Variants in DNAH14 observed in about 807,000 individuals in gnomAD.
DNAH14 encodes axonemal beta dynein heavy chain 14.
DNAH14 carries 478 observed loss-of-function variants against 520.9 expected under a neutral mutation model. The observed-to-expected ratio is 0.92, with a 90% confidence interval of 0.85 to 0.99. The LOEUF (loss-of-function observed/expected upper bound fraction) is 0.99. Ranked by LOEUF, DNAH14 falls within the 50% of genes least tolerant of loss-of-function variation. The pLI, the probability that DNAH14 is intolerant of heterozygous loss-of-function variation, is 0.00. For synonymous variants in DNAH14, 1,581 were observed against 1,757.2 expected, an observed-to-expected ratio of 0.90 and a Z score of 2.51; for missense variants, 4,831 against 5,234.5, an observed-to-expected ratio of 0.92 and a Z score of 2.38.
At chr1:224,959,010 A>T (rs1214517683) in intron 3 of DNAH14, among the ~76,000 whole-genome samples, 1 of 152,106 alleles carries the variant, frequency 6.6e-6, no homozygotes, top group Non-Finnish European at 1.5e-5. Flanking sequence ...GTGTTAAAAC[A>T]AGCTCACTTT....
chr1:225,295,859 A>G (rs1164444034), intron 55 of DNAH14, among the ~76,000 whole-genome samples: 1 of 152,130 alleles, frequency 6.6e-6, no homozygotes, highest in African/African-American at 2.4e-5. Context: ...ATCCCCAACT[A>G]TTATTGTATT....
intron 23 of DNAH14, among the ~76,000 whole-genome samples, chr1:225,101,904 T>G (rs2075503149): frequency 6.7e-6 from 1 of 149,956 alleles, no homozygotes; most frequent in African/African-American, 2.5e-5. Context: ...CTTTTTTTTT[T>G]TTAATACTTT....
At chr1:225,314,603 C>G (rs1319427709) in intron 60 of DNAH14, among the ~76,000 whole-genome samples, 2 of 152,190 alleles carry the variant, frequency 1.3e-5, no homozygotes, top group African/African-American at 4.8e-5. Context: ...TTTAGTGCTT[C>G]CCTCAGGAGC....
chr1:225,259,204 G>A lies in DNAH14; in HGVS notation c.7108G>A (p.Gly2370Ser). ...EGPGAFDIKH[G>S]SILGDTLLYS... ...TCCAGGAGCATTTGACATAAAACAT[G>A]GTTCAATTTTAGGAGACACCCTATT... Residue 2370 changes from glycine to serine, a missense_variant, in exon 46 of 86, where the codon GGT becomes AGT. By Grantham distance (56) the Gly-to-Ser change is moderately conservative. Transcript: ENST00000682510. 6.5e-7 allele frequency: 1 copy of A among 1,541,318 alleles called. No individual in the cohort carries two copies. Among genetic ancestry groups the A allele is most frequent in the East Asian group, 2.5e-5 (1 of 40,498 alleles).
chr1:225,005,282 A>G (rs1417283807), intron 9 of DNAH14, among the ~76,000 whole-genome samples: 7 of 152,160 alleles, frequency 4.6e-5, no homozygotes, highest in Non-Finnish European at 1.0e-4. Flanking sequence ...AAGAGAGGGC[A>G]GTGAGTGGTG....
At chr1:224,963,968 G>A (rs1469125757) in intron 4 of DNAH14, among the ~76,000 whole-genome samples, 2 of 152,082 alleles carry the variant, frequency 1.3e-5, no homozygotes, top group Non-Finnish European at 2.9e-5. Context: ...GGAAGTTTAA[G>A]GGCCAGGAGG....
chr1:224,953,554 T>C (rs981868235), intron 2 of DNAH14, among the ~76,000 whole-genome samples: 6 of 152,102 alleles, frequency 3.9e-5, no homozygotes, highest in African/African-American at 1.2e-4. Context: ...AAAAAACTTA[T>C]TATAAAGCTA....
chr1:225,225,834 TGCATA>T (rs1461864419), intron 41 of DNAH14, among the ~76,000 whole-genome samples: 1 of 152,108 alleles, frequency 6.6e-6, no homozygotes, highest in African/African-American at 2.4e-5. Flanking sequence ...TCCAGCACAA[TGCATA>T]AAACCATCCA....
intron 37 of DNAH14, among the ~76,000 whole-genome samples, chr1:225,186,677 C>A (rs1440819693): frequency 6.6e-6 from 1 of 151,404 alleles, no homozygotes; most frequent in East Asian, 1.9e-4. Context: ...CGAGATAGTA[C>A]CATGTATAAG....
chr1:225,001,369 A>G (rs902495892), intron 8 of DNAH14, among the ~76,000 whole-genome samples: 1 of 152,140 alleles, frequency 6.6e-6, no homozygotes, highest in African/African-American at 2.4e-5. Flanking sequence ...CCTGAGTAGT[A>G]ATAGTCTTTT....
At chr1:225,334,063 T>G (rs1221642497) in intron 66 of DNAH14, among the ~76,000 whole-genome samples, 2 of 152,192 alleles carry the variant, frequency 1.3e-5, no homozygotes, top group African/African-American at 4.8e-5. Context: ...TCTTCACATT[T>G]TCATAATGCT....
chr1:225,152,278 G>C (rs2080575157), intron 32 of DNAH14, among the ~76,000 whole-genome samples: 1 of 152,128 alleles, frequency 6.6e-6, no homozygotes, highest in Non-Finnish European at 1.5e-5. Context: ...CATTCATTAA[G>C]CTACTGACAT....
chr1:224,949,189 G>A (rs987456954), intron 1 of DNAH14, among the ~76,000 whole-genome samples: 1 of 151,950 alleles, frequency 6.6e-6, no homozygotes, highest in African/African-American at 2.4e-5. Flanking sequence ...CATTTTCTTG[G>A]TTTAGATTTT....
intron 58 of DNAH14, 133 bp downstream of exon 58, chr1:225,305,222 T>G (rs2094215815): frequency 9.5e-7 from 1 of 1,055,222 alleles, no homozygotes; most frequent in East Asian, 2.8e-5. Context: ...GCAGAAGATC[T>G]TAAAAGAGAT....
chr1:225,300,687 A>G (rs2094121316), intron 55 of DNAH14, among the ~76,000 whole-genome samples, 182 bp from the exon 56 acceptor site: 1 of 151,884 alleles, frequency 6.6e-6, no homozygotes, highest in African/African-American at 2.4e-5. Context: ...ACTGGGCAAC[A>G]GGGTGAGACT....
intron 77 of DNAH14, among the ~76,000 whole-genome samples, chr1:225,373,914 G>C (rs777724615): frequency 6.6e-6 from 1 of 151,172 alleles, no homozygotes; most frequent in Non-Finnish European, 1.5e-5. Flanking sequence ...TCGCTTGAGC[G>C]CAGGAGTTCC....
At chr1:225,144,201 G>T (rs998162372) in intron 28 of DNAH14, among the ~76,000 whole-genome samples, 196 bp from the exon 29 acceptor site, 1 of 152,038 alleles carries the variant, frequency 6.6e-6, no homozygotes, top group African/African-American at 2.4e-5. Context: ...TTATTCTTCA[G>T]TTCTACTATT....
At chr1:225,280,818 G>A (rs1054845992) in intron 54 of DNAH14, among the ~76,000 whole-genome samples, 1 of 152,100 alleles carries the variant, frequency 6.6e-6, no homozygotes, top group Admixed American at 6.6e-5. Flanking sequence ...ACACAATGGA[G>A]AACAGAAGGC....
At chr1:224,978,094 A>G (rs1339563775) in intron 8 of DNAH14, among the ~76,000 whole-genome samples, 1 of 152,210 alleles carries the variant, frequency 6.6e-6, no homozygotes, top group African/African-American at 2.4e-5. Flanking sequence ...ATATGGAAAA[A>G]CAGTACGGAG....
Sources: allele counts gnomAD v4.1 joint callset (sites outside exome capture counted in the v4.1 genomes callset), GRCh38; gene constraint gnomAD v4.1.1; transcripts MANE v1.5; gene names NCBI Gene and HGNC (gene_info 2026-07-23, HGNC 2026-07-21).